Variants in NKAIN3 observed in about 807,000 individuals in gnomAD.
The protein encoded by NKAIN3 is sodium/potassium-transporting ATPase subunit beta-1-interacting protein 3.
Under a neutral mutation model 30.2 loss-of-function variants are expected in NKAIN3, and 25 were observed. The observed-to-expected ratio is 0.83, with a 90% confidence interval of 0.60 to 1.16. The LOEUF is 1.16. Among genes scored for constraint, NKAIN3 ranks in the 50% most tolerant of loss-of-function variants. The probability of loss-of-function intolerance (pLI) is 0.00; values close to 1 mark genes in which losing one functional copy is unlikely to be tolerated. For synonymous variants in NKAIN3, 91 were observed against 89.6 expected, an observed-to-expected ratio of 1.02 and a Z score of -0.09; for missense variants, 225 against 254.1, an observed-to-expected ratio of 0.89 and a Z score of 0.78.
intron 1 of NKAIN3, among the ~76,000 whole-genome samples, chr8:62,450,876 T>C (rs1487159513): frequency 6.6e-6 from 1 of 152,194 alleles, no homozygotes; most frequent in Admixed American, 6.5e-5. Flanking sequence ...TTGAACACAC[T>C]TCACTATAAG....
intron 4 of NKAIN3, chr8:62,863,887 C>G (rs1419359679): frequency 7.1e-7 from 1 of 1,411,016 alleles, no homozygotes; most frequent in Non-Finnish European, 1.0e-6. Context: ...GGTCCTCTTG[C>G]TCATCATCTG....
intron 3 of NKAIN3, among the ~76,000 whole-genome samples, chr8:62,739,885 A>G (rs777711684): frequency 1.5e-4 from 23 of 152,188 alleles, no homozygotes; most frequent in Non-Finnish European, 2.9e-4. Context: ...CAAAAGTCCA[A>G]ATGATTATGA....
intron 1 of NKAIN3, among the ~76,000 whole-genome samples, chr8:62,426,818 T>C (rs1350233599): frequency 6.6e-6 from 1 of 152,030 alleles, no homozygotes; most frequent in Non-Finnish European, 1.5e-5. Context: ...TATTCTTTAT[T>C]AGATTTATCC....
chr8:62,997,786 A>G, intron 5 of NKAIN3, among the ~76,000 whole-genome samples: 1 of 151,506 alleles, frequency 6.6e-6, no homozygotes, highest in East Asian at 1.9e-4. Flanking sequence ...AGGAGGAGGA[A>G]CAATGTATGG....
chr8:62,308,682 A>G lies in NKAIN3; in HGVS notation c.54+59555A>G, dbSNP rs189826019. ...GTTGGTAATGAATTAACTGTGGGCA[A>G]CAATGGGATGCAAGAGTCATGACAT... On this transcript the variant is annotated intron_variant, in intron 1 of 6. Transcript: ENST00000623646. Among the ~76,000 whole-genome samples the G allele has an allele frequency of 1.5e-3, 230 of 150,682 alleles. 24 individuals are homozygous for G. Among genetic ancestry groups the G allele is most frequent in the African/African-American group, 5.4e-3 (218 of 40,042 alleles).
intron 1 of NKAIN3, among the ~76,000 whole-genome samples, chr8:62,279,285 T>C (rs1276801554): frequency 6.6e-6 from 1 of 152,146 alleles, no homozygotes; most frequent in Admixed American, 6.5e-5. Context: ...CTTTTTCAGG[T>C]GAGTAGATTG....
intron 4 of NKAIN3, among the ~76,000 whole-genome samples, chr8:62,779,327 C>T (rs2130650083): frequency 6.6e-6 from 1 of 152,262 alleles, no homozygotes; most frequent in South Asian, 2.1e-4. Flanking sequence ...CTTGCATTTA[C>T]TTAGGACCCT....
At chr8:62,603,536 A>AG (rs1338068701) in intron 3 of NKAIN3, among the ~76,000 whole-genome samples, 1 of 152,144 alleles carries the variant, frequency 6.6e-6, no homozygotes, top group African/African-American at 2.4e-5. Flanking sequence ...AGACAGTTGA[A>AG]GGAAAAAAAA....
At chr8:62,621,248 T>C (rs1811611427) in intron 3 of NKAIN3, among the ~76,000 whole-genome samples, 1 of 152,290 alleles carries the variant, frequency 6.6e-6, no homozygotes, top group Admixed American at 6.5e-5. Flanking sequence ...AAATTGCCAT[T>C]TCTTCTGACA....
chr8:62,825,313 G>A (rs562060856), intron 4 of NKAIN3, among the ~76,000 whole-genome samples: 1 of 152,190 alleles, frequency 6.6e-6, no homozygotes, highest in Non-Finnish European at 1.5e-5. Context: ...AAGATCAAAA[G>A]TATCTTTTAT....
At chr8:62,465,346 A>C (rs894662106) in intron 1 of NKAIN3, among the ~76,000 whole-genome samples, 1 of 152,332 alleles carries the variant, frequency 6.6e-6, no homozygotes, top group South Asian at 2.1e-4. Context: ...GCAATGAAAC[A>C]TTTAAATAAA....
At chr8:62,365,748 T>C (rs577111306) in intron 1 of NKAIN3, among the ~76,000 whole-genome samples, 1 of 141,988 alleles carries the variant, frequency 7.0e-6, no homozygotes, top group South Asian at 2.4e-4. Context: ...ATTGCACTGA[T>C]ACCAATCAGT....
chr8:62,295,279 A>G (rs1209440946), intron 1 of NKAIN3, among the ~76,000 whole-genome samples: 1 of 152,156 alleles, frequency 6.6e-6, no homozygotes, highest in Non-Finnish European at 1.5e-5. Flanking sequence ...AGGTTGTGGC[A>G]GTATAAGTGT....
At chr8:62,558,872 C>A (rs1477732549) in intron 1 of NKAIN3, among the ~76,000 whole-genome samples, 1 of 151,988 alleles carries the variant, frequency 6.6e-6, no homozygotes, top group East Asian at 1.9e-4. Context: ...CAAACATTGG[C>A]ATGTTGTTTT....
chr8:62,759,060 C>G (rs1816555677), intron 4 of NKAIN3, among the ~76,000 whole-genome samples: 1 of 152,056 alleles, frequency 6.6e-6, no homozygotes, highest in Non-Finnish European at 1.5e-5. Flanking sequence ...TTTCTATAAC[C>G]TGTAAAACAA....
intron 1 of NKAIN3, among the ~76,000 whole-genome samples, chr8:62,276,903 T>C (rs78337975): frequency 8.0e-4 from 122 of 152,312 alleles, no homozygotes; most frequent in African/African-American, 2.9e-3. Flanking sequence ...GTGAATAAAA[T>C]GCATGTTTTA....
intron 4 of NKAIN3, among the ~76,000 whole-genome samples, chr8:62,905,910 C>T (rs1195439486): frequency 6.6e-6 from 1 of 152,202 alleles, no homozygotes; most frequent in East Asian, 1.9e-4. Context: ...TACAGATATT[C>T]TATTAACCTC....
chr8:62,250,018 G>C (rs1310470485), intron 1 of NKAIN3, among the ~76,000 whole-genome samples: 1 of 152,158 alleles, frequency 6.6e-6, no homozygotes, highest in African/African-American at 2.4e-5. Context: ...CATCTCCCTT[G>C]CGTTATACTT....
At chr8:62,712,841 G>A (rs1814765455) in intron 3 of NKAIN3, among the ~76,000 whole-genome samples, 1 of 152,190 alleles carries the variant, frequency 6.6e-6, no homozygotes, top group Non-Finnish European at 1.5e-5. Flanking sequence ...TCTCCTGACA[G>A]ATCCCTGTGG....
Sources: gnomAD v4.1 joint callset for allele counts (sites outside exome capture counted in the v4.1 genomes callset) on GRCh38, gnomAD v4.1.1 for gene constraint, MANE v1.5 for transcripts, NCBI Gene and HGNC (gene_info 2026-07-23, HGNC 2026-07-21) for gene names.